Variants in WWOX observed in about 807,000 individuals in gnomAD.
The protein encoded by WWOX is WW domain containing oxidoreductase.
Under a neutral mutation model 46.2 loss-of-function variants are expected in WWOX, and 69 were observed. The observed-to-expected ratio is 1.49, with a 90% CI of 1.23 to 1.82. The LOEUF (loss-of-function observed/expected upper bound fraction) is 1.82, where lower values mean the gene tolerates loss of function less well. WWOX is among the 40% of genes most tolerant of loss of function. The pLI is 0.00. For missense variants in WWOX, 919 were observed against 542.6 expected, an observed-to-expected ratio of 1.69 and a Z score of -6.89; for synonymous variants, 359 against 202.6, an observed-to-expected ratio of 1.77 and a Z score of -6.56.
chr16:78,828,109 C>A (rs948171393), intron 8 of WWOX, among the ~76,000 whole-genome samples: 2 of 152,036 alleles, frequency 1.3e-5, no homozygotes, highest in Admixed American at 6.6e-5. Context: ...TAATGACACC[C>A]CTGCCAACAT....
chr16:78,694,834 T>G (rs532979213), intron 8 of WWOX, among the ~76,000 whole-genome samples: 237 of 152,310 alleles, frequency 1.6e-3, no homozygotes, highest in African/African-American at 5.6e-3. Flanking sequence ...CTTTTTTTTT[T>G]TCCGCTGCAT....
intron 8 of WWOX, among the ~76,000 whole-genome samples, chr16:78,462,603 C>G (rs1484542314): frequency 1.3e-5 from 2 of 152,162 alleles, no homozygotes; most frequent in Admixed American, 6.5e-5. Context: ...ACCGGGAGAT[C>G]AGAGGTCCGT....
chr16:78,236,957 C>T lies in WWOX; in HGVS notation c.516+72668C>T, dbSNP rs1307136016. ...GGTGTGGTGGTGCATGCCTGTAATC[C>T]CAGCTACTCAGGAGGCTGAGGCAGG... is the stretch of plus-strand genomic sequence containing the variant. On this transcript the variant is annotated intron_variant, in intron 5 of 8. Coordinates refer to ENST00000566780, the MANE Select transcript of WWOX (RefSeq NM_016373.4). 9.4e-4 allele frequency among the ~76,000 whole-genome samples: 143 copies of T among 151,770 alleles called. 2 individuals carry two copies. Among genetic ancestry groups the T allele is most frequent in the Admixed American group, 9.2e-3 (141 of 15,248 alleles).
At chr16:78,767,581 A>G (rs112044305) in intron 8 of WWOX, among the ~76,000 whole-genome samples, 1,541 of 152,064 alleles carry the variant, frequency 0.01, 35 homozygotes, top group African/African-American at 0.035. Flanking sequence ...CTGCATGTAT[A>G]CCTAGGAGTG....
intron 8 of WWOX, among the ~76,000 whole-genome samples, chr16:78,790,557 C>G (rs1035391672): frequency 3.3e-5 from 5 of 152,156 alleles, no homozygotes; most frequent in Non-Finnish European, 1.5e-5. Context: ...GTGGACAACC[C>G]TATTTAACAT....
At chr16:78,354,373 A>T (rs62033393) in intron 5 of WWOX, among the ~76,000 whole-genome samples, 31,990 of 136,680 alleles carry the variant, frequency 0.23, 4,277 homozygotes, top group African/African-American at 0.41. Context: ...CTTTGCACAT[A>T]TTGTCAAATG....
At chr16:78,648,580 C>A (rs1043217211) in intron 8 of WWOX, among the ~76,000 whole-genome samples, 1 of 152,124 alleles carries the variant, frequency 6.6e-6, no homozygotes, top group African/African-American at 2.4e-5. Context: ...CCCATTTTTG[C>A]TAAATTTTGT....
At chr16:78,804,522 GC>G (rs2050977271) in intron 8 of WWOX, among the ~76,000 whole-genome samples, 2 of 152,154 alleles carry the variant, frequency 1.3e-5, no homozygotes, top group South Asian at 4.1e-4. Context: ...CATATGTTCT[GC>G]GTGTGGCTCT....
At chr16:78,318,804 C>G (rs112343517) in intron 5 of WWOX, among the ~76,000 whole-genome samples, 1 of 152,144 alleles carries the variant, frequency 6.6e-6, no homozygotes, top group Non-Finnish European at 1.5e-5. Flanking sequence ...TTTTTACTCA[C>G]TTTTCTACAA....
At chr16:79,070,864 T>C (rs368207020) in intron 8 of WWOX, among the ~76,000 whole-genome samples, 4 of 152,290 alleles carry the variant, frequency 2.6e-5, no homozygotes, top group African/African-American at 9.6e-5. Context: ...AATGTGGGTG[T>C]GTTGACTATA....
At chr16:78,588,464 C>G (rs1285810889) in intron 8 of WWOX, among the ~76,000 whole-genome samples, 1 of 152,146 alleles carries the variant, frequency 6.6e-6, no homozygotes, top group Non-Finnish European at 1.5e-5. Flanking sequence ...AAAATCTGCC[C>G]TGTTTGGGCT....
chr16:78,724,452 C>G (rs889228765), intron 8 of WWOX, among the ~76,000 whole-genome samples: 1 of 152,144 alleles, frequency 6.6e-6, no homozygotes, highest in Non-Finnish European at 1.5e-5. Context: ...ATTGCACCCC[C>G]AGCTTTTAGC....
At chr16:78,190,863 A>G (rs1331788193) in intron 5 of WWOX, among the ~76,000 whole-genome samples, 3 of 152,110 alleles carry the variant, frequency 2.0e-5, no homozygotes, top group Non-Finnish European at 2.9e-5. Context: ...TGGGTTCGCT[A>G]TACTTTAGTT....
At chr16:78,128,508 T>G (rs2033452924) in intron 4 of WWOX, among the ~76,000 whole-genome samples, 1 of 152,184 alleles carries the variant, frequency 6.6e-6, no homozygotes, top group African/African-American at 2.4e-5. Flanking sequence ...CTGCTTGCCT[T>G]AAGTTTCACC....
At chr16:78,554,685 A>G (rs987264958) in intron 8 of WWOX, among the ~76,000 whole-genome samples, 9 of 152,114 alleles carry the variant, frequency 5.9e-5, no homozygotes, top group African/African-American at 2.2e-4. Context: ...CTGCAGTTGA[A>G]TAGGACCGTA....
Position 79,064,295 on chromosome 16 carries a change from A to T in WWOX, c.1057-147313A>T, listed in dbSNP as rs188853120. On this transcript the variant is annotated intron_variant, in intron 8 of 8. Transcript: ENST00000566780. ...CATTTAGAAAGACAACCTGGTTGAG[A>T]ATTTAAGATGATGGTTTAGGGCATA... 1.4e-4 allele frequency among the ~76,000 whole-genome samples: 22 copies of T among 152,334 alleles called. No homozygotes were observed. The East Asian group carries it at 4.2e-3, about 29-fold the overall frequency.
intron 8 of WWOX, among the ~76,000 whole-genome samples, chr16:78,951,940 T>G (rs972154524): frequency 1.1e-4 from 17 of 152,288 alleles, no homozygotes; most frequent in South Asian, 2.1e-4. Flanking sequence ...ATAATATTTT[T>G]AAACTGTAGC....
At chr16:78,211,654 T>C (rs2036563807) in intron 5 of WWOX, among the ~76,000 whole-genome samples, 1 of 152,202 alleles carries the variant, frequency 6.6e-6, no homozygotes, top group East Asian at 1.9e-4. Context: ...ATCAGTGTGC[T>C]AACTCTGTTA....
intron 8 of WWOX, among the ~76,000 whole-genome samples, chr16:78,869,358 G>A (rs2044076571): frequency 6.6e-6 from 1 of 152,100 alleles, no homozygotes; most frequent in African/African-American, 2.4e-5. Context: ...CAAGCATCCA[G>A]ACTGCAACCT....
Sources: allele counts gnomAD v4.1 joint callset (sites outside exome capture counted in the v4.1 genomes callset), GRCh38; gene constraint gnomAD v4.1.1; transcripts MANE v1.5; gene names NCBI Gene and HGNC (gene_info 2026-07-23, HGNC 2026-07-21).